U2SURP: variants seen among roughly 807,000 people sequenced by gnomAD.
U2SURP encodes U2 snRNP-associated SURP motif-containing protein.
In U2SURP, 9 loss-of-function variants were observed where a neutral mutation model predicts 144.9. That is an observed-to-expected ratio of 0.06 (90% CI 0.04 to 0.11). U2SURP has a LOEUF of 0.11. Ranked by LOEUF, U2SURP falls within the 10% of genes least tolerant of loss-of-function variation. The pLI is 1.00. For missense variants in U2SURP, 724 were observed against 1,226.7 expected (o/e 0.59, Z 6.12); for synonymous variants, 408 against 396.8 (o/e 1.03, Z -0.33).
intron 24 of U2SURP, among the ~76,000 whole-genome samples, chr3:143,050,639 G>T (rs761185477): frequency 2.0e-5 from 3 of 152,128 alleles, no homozygotes; most frequent in Non-Finnish European, 4.4e-5. Context: ...TAGCAACCTT[G>T]CTTTTCTAAT....
intron 13 of U2SURP, chr3:143,025,729 T>A (rs1933108008): frequency 6.6e-6 from 1 of 152,178 alleles, no homozygotes; most frequent in African/African-American, 2.4e-5. Flanking sequence ...AATTAGTAGT[T>A]TTAAATGCAT....
intron 13 of U2SURP, chr3:143,026,439 A>G (rs1933152405): frequency 6.6e-6 from 1 of 152,198 alleles, no homozygotes; most frequent in African/African-American, 2.4e-5. Context: ...TTGATAGTGT[A>G]CAGGCATATC....
chr3:143,030,570 G>A (rs1373276386), intron 16 of U2SURP, among the ~76,000 whole-genome samples: 2 of 152,188 alleles, frequency 1.3e-5, no homozygotes, highest in East Asian at 1.9e-4. Flanking sequence ...TTGTTTTCAT[G>A]CCTGTTAACA....
chr3:143,036,628 C>T (rs1439413081), intron 20 of U2SURP, among the ~76,000 whole-genome samples: 1 of 152,114 alleles, frequency 6.6e-6, no homozygotes, highest in Non-Finnish European at 1.5e-5. Context: ...TTGCAACCCA[C>T]GTGGTCCTTG....
Position 143,023,570 on chromosome 3 carries a change from C to T in U2SURP, c.1231-405C>T, listed in dbSNP as rs553825325. On this transcript the variant is annotated intron_variant, in intron 12 of 27. Transcript: ENST00000473835. ...AACTTAATTTCAAGTTATAAGAATT[C>T]GTTGGTTCTATTATGAATTAATTAC... Among the ~76,000 whole-genome samples the T allele has an allele frequency of 2.2e-3, 337 of 152,142 alleles. 3 individuals carry two copies. Among genetic ancestry groups the T allele is most frequent in the African/African-American group, 7.5e-3 (312 of 41,520 alleles).
At chr3:143,055,262 G>C (rs1329675155) in intron 27 of U2SURP, 143 bp downstream of exon 27, 1 of 725,080 alleles carries the variant, frequency 1.4e-6, no homozygotes, top group African/African-American at 1.9e-5. Context: ...TTCATTTTTG[G>C]TTATTCCTCC....
At chr3:143,035,327 A>AT (rs1292469748) in intron 19 of U2SURP, among the ~76,000 whole-genome samples, 3 of 152,114 alleles carry the variant, frequency 2.0e-5, no homozygotes, top group African/African-American at 7.2e-5. Context: ...TCTGTTACCA[A>AT]TTTTTTTATA....
In U2SURP at chr3:143,032,845, G is replaced by A; in HGVS notation, c.1672G>A (p.Asp558Asn). 6.2e-7 allele frequency: 1 copy of A among 1,613,648 alleles called. No homozygotes were observed. Among genetic ancestry groups the A allele is most frequent in the Non-Finnish European group, 8.5e-7 (1 of 1,179,688 alleles). The stretch of plus-strand genomic sequence containing the variant: ...AACTCCAAGGAAAAATGATATTGGA[G>A]ATGCAATGGTTTTCTGTCTTAATAA... ...GLTPRKNDIG[D>N]AMVFCLNNAE... The change falls in exon 17 of 28, where the codon GAT (aspartate) becomes AAT (asparagine). Residue 558 changes from aspartate (D) to asparagine (N), a missense_variant. By Grantham distance (23) the Asp-to-Asn change is conservative (BLOSUM62 1). Around this residue, in one of 13 missense-constraint regions of U2SURP, gnomAD observed 66 missense variants for 95.0 expected, o/e 0.69. Transcript: ENST00000473835.
intron 1 of U2SURP, among the ~76,000 whole-genome samples, chr3:143,004,183 G>A (rs977612874): frequency 4.6e-5 from 7 of 151,970 alleles, no homozygotes; most frequent in Non-Finnish European, 8.8e-5. Flanking sequence ...TTCATGATTC[G>A]TCGTTTTCTT....
At chr3:143,008,459 C>T (rs1935956256) in intron 1 of U2SURP, among the ~76,000 whole-genome samples, 2 of 152,164 alleles carry the variant, frequency 1.3e-5, no homozygotes, top group African/African-American at 4.8e-5. Flanking sequence ...AATTCTTTTG[C>T]CCCCTTGCAA....
intron 1 of U2SURP, among the ~76,000 whole-genome samples, chr3:143,010,260 C>G (rs1936055243): frequency 1.3e-5 from 2 of 152,220 alleles, no homozygotes; most frequent in Admixed American, 6.5e-5. Context: ...ACCAGGCAGC[C>G]TGTGACATGC....
At chr3:143,041,640 C>T (rs1462641626) in intron 23 of U2SURP, among the ~76,000 whole-genome samples, 1 of 151,938 alleles carries the variant, frequency 6.6e-6, no homozygotes, top group Non-Finnish European at 1.5e-5. Flanking sequence ...TTCTCTCATA[C>T]AATGAAGGTC....
intron 24 of U2SURP, among the ~76,000 whole-genome samples, chr3:143,048,830 G>C (rs898299539): frequency 2.6e-5 from 4 of 152,012 alleles, no homozygotes; most frequent in Non-Finnish European, 5.9e-5. Context: ...AGTGTGCCAA[G>C]GTTGCAGTGC....
At chr3:143,055,744 A>ATATATATGTATGTATGTGT (rs1274156460) in intron 27 of U2SURP, among the ~76,000 whole-genome samples, 1 of 152,126 alleles carries the variant, frequency 6.6e-6, no homozygotes, top group Non-Finnish European at 1.5e-5. Flanking sequence ...TGGCACCTGT[A>ATATATATGTATGTATGTGT]TATATATGTA....
intron 3 of U2SURP, 23 bp downstream of exon 3, chr3:143,012,376 A>G (rs1578116662): frequency 1.3e-6 from 2 of 1,574,050 alleles, no homozygotes; most frequent in East Asian, 2.3e-5. Flanking sequence ...AAGATAAGGT[A>G]AAGATAAGAA....
intron 23 of U2SURP, 23 bp from the exon 24 acceptor site, chr3:143,043,094 A>G (rs533446271): frequency 1.6e-5 from 26 of 1,587,048 alleles, no homozygotes; most frequent in East Asian, 2.2e-5. Context: ...TTGACATACA[A>G]TGTATTCTGC....
chr3:143,022,604 C>T lies in U2SURP; in HGVS notation c.960C>T (p.Cys320=), dbSNP rs758134163. The T allele has an allele frequency of 1.7e-5, 28 of 1,613,716 alleles. No individual in the cohort carries two copies. The highest frequency in any genetic ancestry group is 1.6e-4 in the South Asian group (15 of 91,064). Residue 320 remains cysteine (C), a synonymous_variant, in exon 11 of 28, where the codon TGC becomes TGT. Transcript: ENST00000473835. ...TDEERARERN[C]GFVAFMNRRD... is the part of the protein sequence containing the mutation. ...AAGAAAGAGCCAGAGAGAGAAATTG[C>T]GGCTTTGTGGCCTTTATGAATAGAA... is the stretch of plus-strand genomic sequence containing the variant.
intron 6 of U2SURP, among the ~76,000 whole-genome samples, chr3:143,019,449 A>T (rs1232487510): frequency 6.6e-6 from 1 of 152,164 alleles, no homozygotes; most frequent in Non-Finnish European, 1.5e-5. Context: ...TAATTTTTGT[A>T]CATTTAGTAT....
intron 13 of U2SURP, among the ~76,000 whole-genome samples, chr3:143,024,320 T>G (rs1933001290): frequency 6.6e-6 from 1 of 152,182 alleles, no homozygotes. Context: ...GGAAAATAGA[T>G]GTTTTAAGTG....
Sources: allele counts gnomAD v4.1 joint callset (sites outside exome capture counted in the v4.1 genomes callset), GRCh38; gene constraint gnomAD v4.1.1; regional missense constraint gnomAD v4.1.1; transcripts MANE v1.5; gene names NCBI Gene and HGNC (gene_info 2026-07-23, HGNC 2026-07-21).